The following ACSM6 variants were observed in gnomAD, a reference collection of about 807,000 sequenced individuals.
The protein encoded by ACSM6 is acyl-CoA synthetase medium chain family member 6.
ACSM6 carries 35 observed loss-of-function variants against 51.1 expected under a neutral mutation model. That is an observed-to-expected ratio of 0.69 (90% CI 0.52 to 0.91). The LOEUF is 0.91. Among genes scored for constraint, ACSM6 ranks in the 40% least tolerant of loss-of-function variants. The pLI is 0.00. For missense variants in ACSM6, 509 were observed against 584.1 expected (o/e 0.87, Z 1.32); for synonymous variants, 172 against 207.3 (o/e 0.83, Z 1.46).
chr10:95,199,598 C>G (rs964923274), intron 2 of ACSM6, among the ~76,000 whole-genome samples: 1 of 152,120 alleles, frequency 6.6e-6, no homozygotes, highest in African/African-American at 2.4e-5. Flanking sequence ...TTGCAACCTA[C>G]TCATCTGACA....
intron 6 of ACSM6, 23 bp from the exon 7 acceptor site, chr10:95,212,835 T>C (rs375224969): frequency 1.9e-6 from 3 of 1,585,762 alleles, no homozygotes; most frequent in Non-Finnish European, 1.7e-6. Flanking sequence ...GCAGATTTTG[T>C]TTTTCCTTCC....
chr10:95,207,912 G>C (rs2034858950), intron 4 of ACSM6, among the ~76,000 whole-genome samples: 3 of 152,048 alleles, frequency 2.0e-5, no homozygotes, highest in Admixed American at 2.0e-4. Context: ...AGGCCAAGGT[G>C]GGCAGATCAC....
chr10:95,226,211 A>G (rs1192108307), intron 10 of ACSM6: 1 of 152,188 alleles, frequency 6.6e-6, no homozygotes, highest in Non-Finnish European at 1.5e-5. Flanking sequence ...CTATTCTCCA[A>G]TTAACTTTCA....
intron 8 of ACSM6, among the ~76,000 whole-genome samples, chr10:95,215,997 T>C (rs974503466): frequency 1.3e-5 from 2 of 152,204 alleles, no homozygotes; most frequent in African/African-American, 4.8e-5. Context: ...GGTGTGACCA[T>C]AGCTCCCTGC....
At chr10:95,225,438 A>G (rs1238671859) in intron 10 of ACSM6, 47 bp downstream of exon 10, 1 of 1,258,228 alleles carries the variant, frequency 7.9e-7, no homozygotes, top group South Asian at 1.4e-5. Flanking sequence ...GTTGCTACTA[A>G]TCGTAGTGCC....
At chr10:95,228,766 A>T in exon 11 of ACSM6, 2 of 1,551,464 alleles carry the variant, frequency 1.3e-6, no homozygotes, top group Non-Finnish European at 1.7e-6. Flanking sequence ...TTGCCAATGC[A>T]TTGGGTCAGA....
chr10:95,209,528 G>T (rs2034874451), intron 4 of ACSM6, among the ~76,000 whole-genome samples: 1 of 152,186 alleles, frequency 6.6e-6, no homozygotes, highest in Admixed American at 6.5e-5. Context: ...CTGTCGTCCA[G>T]ATGAGAGGCC....
At chr10:95,194,586 G>T (rs1384442235) in exon 2 of ACSM6, 2 of 1,552,054 alleles carry the variant, frequency 1.3e-6, no homozygotes. Flanking sequence ...CAGACCATCA[G>T]ACCCCCTGAC....
chr10:95,217,088 G>A (rs2034952371), intron 8 of ACSM6, among the ~76,000 whole-genome samples: 1 of 152,160 alleles, frequency 6.6e-6, no homozygotes, highest in African/African-American at 2.4e-5. Flanking sequence ...AGTGGCTCAC[G>A]CCTGTAATCC....
Position 95,210,923 on chromosome 10 carries a change from G to C in ACSM6, c.755+130G>C. The C allele has an allele frequency of 3.5e-6, 4 of 1,138,366 alleles. No individual in the cohort carries two copies. In the East Asian group the frequency reaches 1.0e-4, roughly 29 times the overall value. 70.5% of individuals were successfully genotyped at this position (1,138,366 alleles called of 1,614,324 possible). A position where few individuals can be genotyped will look rare whatever the true frequency, so the allele number is the denominator to read the frequency against. Reference sequence around the variant, plus strand: ...CAGAAAGTGTCAATATTGAGAGAAGGAACAGGGCTGAGGGCCCCAAAAGAT... The same window carrying C: ...CAGAAAGTGTCAATATTGAGAGAAGCAACAGGGCTGAGGGCCCCAAAAGAT... On this transcript the variant is annotated intron_variant, in intron 5 of 10. Coordinates refer to ENST00000341686, the Ensembl canonical transcript of ACSM6.
At chr10:95,205,606 T>C (rs938536482) in intron 3 of ACSM6, among the ~76,000 whole-genome samples, 2 of 152,142 alleles carry the variant, frequency 1.3e-5, no homozygotes, top group African/African-American at 2.4e-5. Context: ...ATTCAGACCA[T>C]GGCAAAGACA....
intron 5 of ACSM6, 70 bp downstream of exon 5, chr10:95,210,863 C>G: frequency 1.3e-6 from 2 of 1,505,368 alleles, no homozygotes; most frequent in Non-Finnish European, 1.8e-6. Flanking sequence ...CTTCATGGGA[C>G]TAAAGCTAAG....
At chr10:95,207,866 T>C (rs2034858379) in intron 4 of ACSM6, among the ~76,000 whole-genome samples, 1 of 152,100 alleles carries the variant, frequency 6.6e-6, no homozygotes, top group African/African-American at 2.4e-5. Flanking sequence ...TGTCAGCACT[T>C]CGGGAGGCTC....
chr10:95,207,506 G>T, intron 4 of ACSM6, 91 bp downstream of exon 4: 2 of 1,348,214 alleles, frequency 1.5e-6, no homozygotes, highest in Non-Finnish European at 2.1e-6. Context: ...TGAGTGGTCA[G>T]AATGAAAAGC....
chr10:95,211,836 C>T (rs756859008), intron 5 of ACSM6, 42 bp from the exon 6 acceptor site: 3 of 1,543,778 alleles, frequency 1.9e-6, no homozygotes, highest in Non-Finnish European at 1.7e-6. Context: ...GTTGCTAGTA[C>T]CAGCACGAGA....
At chr10:95,223,025 TA>T (rs2035008340) in intron 9 of ACSM6, among the ~76,000 whole-genome samples, 2 of 152,082 alleles carry the variant, frequency 1.3e-5, no homozygotes, top group Non-Finnish European at 2.9e-5. Context: ...TTAGAGGGTT[TA>T]TTTTTTTAAT....
chr10:95,194,441 C>T (rs1372179037), intron 1 of ACSM6, 24 bp from the exon 2 acceptor site: 5 of 1,517,410 alleles, frequency 3.3e-6, no homozygotes, highest in Non-Finnish European at 4.5e-6. Context: ...CAATTACTCC[C>T]TGTCTTTTCC....
intron 3 of ACSM6, among the ~76,000 whole-genome samples, chr10:95,206,760 T>C (rs553533766): frequency 5.4e-4 from 82 of 152,280 alleles, no homozygotes; most frequent in African/African-American, 1.9e-3. Context: ...GAAGAATCTA[T>C]AGAAACAGCC....
chr10:95,210,287 G>C (rs571764404), intron 4 of ACSM6, among the ~76,000 whole-genome samples: 1 of 152,170 alleles, frequency 6.6e-6, no homozygotes, highest in Non-Finnish European at 1.5e-5. Flanking sequence ...AGAGTTGTCA[G>C]GGCTTGGCAA....
Sources: allele counts gnomAD v4.1 joint callset (sites outside exome capture counted in the v4.1 genomes callset), GRCh38; gene constraint gnomAD v4.1.1; transcripts MANE v1.5; gene names NCBI Gene and HGNC (gene_info 2026-07-23, HGNC 2026-07-21).